Variants in ACD observed in about 807,000 individuals in gnomAD.
ACD encodes adrenocortical dysplasia protein homolog.
A neutral mutation model predicts 53.9 loss-of-function variants in ACD; 39 were observed. The observed-to-expected ratio is 0.72, with a 90% CI of 0.56 to 0.95. The LOEUF (loss-of-function observed/expected upper bound fraction) is 0.95, where lower values mean the gene tolerates loss of function less well. Ranked by LOEUF, ACD falls within the 40% of genes least tolerant of loss-of-function variation. The probability of loss-of-function intolerance (pLI) is 0.00; values close to 1 mark genes in which losing one functional copy is unlikely to be tolerated. For synonymous variants in ACD, 273 were observed against 249.2 expected, an observed-to-expected ratio of 1.10 and a Z score of -0.90; for missense variants, 526 against 587.9, an observed-to-expected ratio of 0.89 and a Z score of 1.09.
intron 6 of ACD, 68 bp from the exon 7 acceptor site, chr16:67,659,147 C>T: frequency 6.2e-7 from 1 of 1,608,870 alleles, no homozygotes; most frequent in Non-Finnish European, 8.5e-7. Context: ...AGGGGGAAGA[C>T]AGCTTATTGA....
chr16:67,658,097 G>A lies in ACD; in HGVS notation c.1095C>T (p.Pro365=), dbSNP rs763236702. The change falls in exon 10 of 12, where the codon CCC becomes CCT. Residue 365 remains proline (P), a synonymous_variant. Coordinates refer to ENST00000620761, the MANE Select transcript of ACD (RefSeq NM_001082486.2). ...PSPHQALVTR[P]QKPSLEFKEF... ...CCTTGAACTCCAGGCTAGGTTTCTG[G>A]GGCCTGGTCACAAGAGCCTGGTGTG... The A allele has an allele frequency of 2.5e-6, 4 of 1,574,302 alleles. No homozygotes were observed. The East Asian group carries it at 9.0e-5, about 35-fold the overall frequency.
chr16:67,659,257 G>C lies in ACD; in HGVS notation c.465C>G (p.His155Gln), dbSNP rs142115585. ...QKKLYDCLEEHLSESTSSNAG... is the reference protein window; with the variant it reads ...QKKLYDCLEEQLSESTSSNAG... ...CATTGGACGAGGTGGACTCTGAAAG[G>C]TGCTCCCTACAGGAAGAGAGTGGCC... Residue 155 changes from histidine (H) to glutamine (Q), a missense_variant, in exon 6 of 12, where the codon CAC becomes CAG. Transcript: ENST00000620761. The C allele has an allele frequency of 6.2e-7, 1 of 1,613,982 alleles. No homozygotes were observed. The highest frequency in any genetic ancestry group is 8.5e-7 in the Non-Finnish European group (1 of 1,180,010).
At position 67,659,714 on chromosome 16, in the gene ACD, A is replaced by C; in HGVS notation, c.324T>G (p.Ala108=). 1 of 1,613,326 alleles carries C rather than the reference A, an allele frequency of 6.2e-7. No homozygotes were observed. Among genetic ancestry groups the C allele is most frequent in the Non-Finnish European group, 8.5e-7 (1 of 1,179,966 alleles). ...TCTCACCACTCACCGCGCCGCCCTC[A>C]GCGACCTGGACATGAACCCCGCAGT... The part of the protein sequence containing the change: ...LQDCGVHVQV[A]EGGAPAEFYL... The change falls in exon 3 of 12, where the codon GCT becomes GCG. Residue 108 remains alanine, a synonymous_variant. Coordinates refer to ENST00000620761, the MANE Select transcript of ACD (RefSeq NM_001082486.2).
rs1164847207 is a variant in ACD, at chr16:67,658,641, C to A, written c.743G>T (p.Gly248Val). ...SSLGPCQRTQ[G>V]PELPPPDPAL... The stretch of plus-strand genomic sequence containing the variant: ...CGGGTCTGGTGGGGGCAGCTCAGGG[C>A]CTGGGGGGTTCAGGAAGTCTTATCA... Residue 248 changes from glycine to valine, a missense_variant and splice_region_variant, in exon 9 of 12, where the codon GGC becomes GTC. Coordinates refer to ENST00000620761, the MANE Select transcript of ACD (RefSeq NM_001082486.2). 2 of 1,579,586 alleles carry A rather than the reference C, an allele frequency of 1.3e-6. No individual in the cohort carries two copies. The highest frequency in any genetic ancestry group is 1.7e-6 in the Non-Finnish European group (2 of 1,160,864).
At chr16:67,658,394 C>G in intron 9 of ACD, 32 bp from the exon 10 acceptor site, 2 of 1,612,730 alleles carry the variant, frequency 1.2e-6, no homozygotes, top group Non-Finnish European at 1.7e-6. Flanking sequence ...GTAGGCACAG[C>G]CCTCTCCGCT....
At chr16:67,659,138 G>A in intron 6 of ACD, 59 bp from the exon 7 acceptor site, 1 of 1,608,650 alleles carries the variant, frequency 6.2e-7, no homozygotes, top group South Asian at 1.1e-5. Context: ...AGGAGGGTGA[G>A]GGGGAAGACA....
At chr16:67,658,662 TATC>T (rs766088919) in intron 8 of ACD, 21 bp from the exon 9 acceptor site, 18 of 1,588,162 alleles carry the variant, frequency 1.1e-5, no homozygotes, top group Non-Finnish European at 1.5e-5. Context: ...CAGGAAGTCT[TATC>T]AGCACTGTGG....
At chr16:67,658,687 A>C (rs2052928912) in intron 8 of ACD, 33 bp downstream of exon 8, 11 of 1,595,062 alleles carry the variant, frequency 6.9e-6, no homozygotes, top group Non-Finnish European at 9.4e-6. Flanking sequence ...CCTGGGCCCC[A>C]GGTATCCCCC....
rs752793753 is a variant in ACD, at chr16:67,658,773, G to T, written c.689C>A (p.Ser230Tyr). 2.2e-5 allele frequency: 35 copies of T among 1,613,456 alleles called. No individual in the cohort carries two copies. The highest frequency in any genetic ancestry group is 2.9e-5 in the Non-Finnish European group (34 of 1,179,746). Residue 230 changes from serine to tyrosine, a missense_variant, in exon 8 of 12, where the codon TCT becomes TAT. Physicochemically the swap from Ser to Tyr is moderately radical, Grantham distance 144. Transcript: ENST00000620761. ...YTVPSSMLCI[S>Y]ENDQLILSSL... ...GCTCAGAATTAGCTGGTCATTCTCA[G>T]AGATGCACAGCATTGAGCTGGGGAC...
rs1322815478 is a variant in ACD, at chr16:67,659,611, G to A, written c.339C>T (p.Pro113=). Residue 113 remains proline, a splice_region_variant and synonymous_variant, in exon 4 of 12, where the codon CCC becomes CCT. Transcript: ENST00000620761. ...VHVQVAEGGA[P]AEFYLQVDRF... ...GGTCCACCTGGAGATAGAACTCTGC[G>A]GGCTGGAGGAGTTCGGGGGGAAGGG... The A allele has an allele frequency of 1.2e-6, 2 of 1,613,304 alleles. No homozygotes were observed. The highest frequency in any genetic ancestry group is 1.7e-6 in the Non-Finnish European group (2 of 1,179,998).
rs747377996 is a variant in ACD at position 67,659,586 on chromosome 16, G to T, written c.364C>A (p.Arg122Ser). ...APAEFYLQVDRFSLLPTEQPR... is the reference protein window; with the variant it reads ...APAEFYLQVDSFSLLPTEQPR... The stretch of plus-strand genomic sequence containing the variant: ...TGCTCCGTGGGCAGCAGGCTGAAGC[G>T]GTCCACCTGGAGATAGAACTCTGCG... The change falls in exon 4 of 12, where the codon CGC becomes AGC. Residue 122 changes from arginine (R) to serine (S), a missense_variant. Arg to Ser is a moderately radical substitution (Grantham distance 110). Coordinates refer to ENST00000620761, the MANE Select transcript of ACD (RefSeq NM_001082486.2). The T allele has an allele frequency of 6.2e-7, 1 of 1,613,534 alleles. No homozygotes were observed. The highest frequency in any genetic ancestry group is 1.1e-5 in the South Asian group (1 of 91,082).
At chr16:67,660,075 C>T (rs759971683) in intron 1 of ACD, 30 bp from the exon 2 acceptor site, 6 of 1,610,156 alleles carry the variant, frequency 3.7e-6, no homozygotes, top group African/African-American at 1.3e-5. Flanking sequence ...TCAATCCCAC[C>T]ACCCCGGGCC....
chr16:67,658,784 C>T lies in ACD; in HGVS notation c.678G>A (p.Met226Ile). ...GCTGGTCATTCTCAGAGATGCACAG[C>T]ATTGAGCTGGGGACAGTGTACACAG... ...GEAVYTVPSS[M>I]LCISENDQLI... The change falls in exon 8 of 12, where the codon ATG becomes ATA. Residue 226 changes from methionine (M) to isoleucine (I), a missense_variant. By Grantham distance (10) the Met-to-Ile change is conservative. Coordinates refer to ENST00000620761, the MANE Select transcript of ACD (RefSeq NM_001082486.2). 1 of 1,613,532 alleles carries T rather than the reference C, an allele frequency of 6.2e-7. No homozygotes were observed. Among genetic ancestry groups the T allele is most frequent in the South Asian group, 1.1e-5 (1 of 90,986 alleles).
chr16:67,659,140 G>A, intron 6 of ACD, 61 bp from the exon 7 acceptor site: 1 of 1,608,860 alleles, frequency 6.2e-7, no homozygotes, highest in Non-Finnish European at 8.5e-7. Flanking sequence ...GAGGGTGAGG[G>A]GGAAGACAGC....
chr16:67,658,781 C>T lies in ACD; in HGVS notation c.681G>A (p.Leu227=). Residue 227 remains leucine, a synonymous_variant, in exon 8 of 12, where the codon CTG becomes CTA. Transcript: ENST00000620761. Reference sequence around the variant, plus strand: ...TTAGCTGGTCATTCTCAGAGATGCACAGCATTGAGCTGGGGACAGTGTACA... The same window carrying T: ...TTAGCTGGTCATTCTCAGAGATGCATAGCATTGAGCTGGGGACAGTGTACA... The part of the protein sequence containing the change: ...EAVYTVPSSM[L]CISENDQLIL... 1.2e-6 allele frequency: 2 copies of T among 1,613,488 alleles called. No individual in the cohort carries two copies. Among genetic ancestry groups the T allele is most frequent in the Non-Finnish European group, 1.7e-6 (2 of 1,179,680 alleles).
rs2052917223 is a variant in ACD at position 67,658,314 on chromosome 16, C to A, written c.878G>T (p.Ser293Ile). The A allele has an allele frequency of 6.2e-7, 1 of 1,613,876 alleles. No individual in the cohort carries two copies. Among genetic ancestry groups the A allele is most frequent in the African/African-American group, 1.3e-5 (1 of 75,054 alleles). The change falls in exon 10 of 12, where the codon AGC (serine) becomes ATC (isoleucine). Residue 293 changes from serine to isoleucine, a missense_variant. Physicochemically the swap from Ser to Ile is moderately radical, Grantham distance 142. Coordinates refer to ENST00000620761, the MANE Select transcript of ACD (RefSeq NM_001082486.2). ...GGACAGGGCAGGCAGAAGGCTGATG[C>A]TGGTACCACTTTCCTCGGATGACAT... is the stretch of plus-strand genomic sequence containing the variant. ...GHMSSEESGT[S>I]ISLLPALSLA...
In ACD at chr16:67,658,233, C is replaced by G. The variant is rs780639186; in HGVS notation, c.959G>C (p.Cys320Ser). Residue 320 changes from cysteine to serine, a missense_variant, in exon 10 of 12, where the codon TGC becomes TCC. Physicochemically the swap from Cys to Ser is moderately radical, Grantham distance 112. Coordinates refer to ENST00000620761, the MANE Select transcript of ACD (RefSeq NM_001082486.2). ...GGGGGTCAGGGTGGCAGGGGCTGAG[C>G]AGATGGCTGGTGAGGGCTGGGAGCT... ...RSSSQPSPAI[C>S]SAPATLTPRS... 1.9e-6 allele frequency: 3 copies of G among 1,613,346 alleles called. No homozygotes were observed. The highest frequency in any genetic ancestry group is 8.5e-7 in the Non-Finnish European group (1 of 1,179,984).
chr16:67,658,822 G>T lies in ACD; in HGVS notation c.646-6C>A. On this transcript the variant is annotated splice_region_variant and splice_polypyrimidine_tract_variant and intron_variant, in intron 7 of 11. Transcript: ENST00000620761. ...ACAGTGTACACAGCTTCTCCCTGTGGGACATGAACTCTGTAGGACAGGCCC... is the reference window on the plus strand; with the variant it reads ...ACAGTGTACACAGCTTCTCCCTGTGTGACATGAACTCTGTAGGACAGGCCC... The T allele has an allele frequency of 6.2e-7, 1 of 1,609,528 alleles. No individual in the cohort carries two copies. Among genetic ancestry groups the T allele is most frequent in the South Asian group, 1.1e-5 (1 of 90,778 alleles).
chr16:67,659,938 G>A lies in ACD; in HGVS notation c.207C>T (p.Cys69=). 1 of 1,606,386 alleles carries A rather than the reference G, an allele frequency of 6.2e-7. No individual in the cohort carries two copies. Residue 69 remains cysteine (C), a synonymous_variant, in exon 2 of 12, where the codon TGC becomes TGT. Transcript: ENST00000620761. ...LVSDGTHSVR[C]LVTREALDTS... is the part of the protein sequence containing the mutation. ...TGTCCAGGGCCTCCCGCGTCACCAG[G>A]CATCGGACACTGTGGGTCCCGTCAG... is the stretch of plus-strand genomic sequence containing the variant.
Sources: gnomAD v4.1 joint callset for allele counts on GRCh38, gnomAD v4.1.1 for gene constraint, MANE v1.5 for transcripts, NCBI Gene and HGNC (gene_info 2026-07-23, HGNC 2026-07-21) for gene names.